Variants in FBXL7 observed in about 807,000 individuals in gnomAD.
The protein encoded by FBXL7 is F-box/LRR-repeat protein 7.
FBXL7 carries 12 observed loss-of-function variants against 38.3 expected under a neutral mutation model. The ratio of observed to expected loss-of-function variants is 0.31; its 90% confidence interval spans 0.20 to 0.51. FBXL7 has a LOEUF of 0.51. Among genes scored for constraint, FBXL7 ranks in the 20% least tolerant of loss-of-function variants. The pLI is 0.98. For missense variants in FBXL7, 567 were observed against 676.4 expected (o/e 0.84, Z 1.79); for synonymous variants, 297 against 300.9 (o/e 0.99, Z 0.13).
At chr5:15,829,984 AT>A (rs1222599466) in intron 2 of FBXL7, among the ~76,000 whole-genome samples, 2 of 152,186 alleles carry the variant, frequency 1.3e-5, no homozygotes, top group African/African-American at 4.8e-5. Flanking sequence ...TACCCAGAGA[AT>A]TACATGTTGT....
intron 2 of FBXL7, among the ~76,000 whole-genome samples, chr5:15,619,485 T>C (rs978332661): frequency 6.6e-6 from 1 of 152,214 alleles, no homozygotes; most frequent in Non-Finnish European, 1.5e-5. Flanking sequence ...TCTCGGATTC[T>C]CTTCCCACTG....
At chr5:15,720,909 T>C (rs139596100) in intron 2 of FBXL7, among the ~76,000 whole-genome samples, 5 of 152,206 alleles carry the variant, frequency 3.3e-5, no homozygotes, top group Admixed American at 2.6e-4. Context: ...TGGGTTAAGA[T>C]AGAAATATGT....
chr5:15,583,172 C>A (rs551705153), intron 1 of FBXL7, among the ~76,000 whole-genome samples: 1 of 152,066 alleles, frequency 6.6e-6, no homozygotes. Flanking sequence ...TCAGATCTTA[C>A]GAGAACTCAC....
intron 2 of FBXL7, among the ~76,000 whole-genome samples, chr5:15,922,530 T>TC (rs1167765013): frequency 5.3e-5 from 8 of 152,170 alleles, no homozygotes; most frequent in African/African-American, 1.9e-4. Flanking sequence ...TGCTACAGTT[T>TC]CACCACAATC....
At chr5:15,789,688 A>G (rs925859810) in intron 2 of FBXL7, among the ~76,000 whole-genome samples, 1 of 151,638 alleles carries the variant, frequency 6.6e-6, no homozygotes, top group African/African-American at 2.4e-5. Context: ...AGTGTAACCC[A>G]CTCCTTTGGT....
chr5:15,878,221 G>T (rs549969512), intron 2 of FBXL7, among the ~76,000 whole-genome samples: 1 of 152,300 alleles, frequency 6.6e-6, no homozygotes, highest in South Asian at 2.1e-4. Context: ...GGGAGTCAGG[G>T]ATTATAGAGG....
intron 2 of FBXL7, among the ~76,000 whole-genome samples, chr5:15,795,311 C>T (rs894960190): frequency 6.6e-6 from 1 of 152,056 alleles, no homozygotes; most frequent in Non-Finnish European, 1.5e-5. Flanking sequence ...AGATGTTTTC[C>T]GTATATCATC....
Position 15,512,477 on chromosome 5 carries a change from T to C in FBXL7, c.37+11764T>C, listed in dbSNP as rs149663353. 1.4e-3 allele frequency among the ~76,000 whole-genome samples: 208 copies of C among 152,326 alleles called. 2 individuals carry two copies. The highest frequency in any genetic ancestry group is 2.2e-3 in the Non-Finnish European group (153 of 68,022). The stretch of plus-strand genomic sequence containing the variant: ...GATGGATCTATAGCCATGATCTTTA[T>C]TGAGTCTAGGAAAACACCCTATGAA... On this transcript the variant is annotated intron_variant, in intron 1 of 3. Coordinates refer to ENST00000504595, the MANE Select transcript of FBXL7 (RefSeq NM_012304.5).
intron 2 of FBXL7, among the ~76,000 whole-genome samples, chr5:15,621,903 CAT>C (rs1491412316): frequency 1.3e-5 from 2 of 152,110 alleles, no homozygotes; most frequent in African/African-American, 2.4e-5. Context: ...CCAATACACT[CAT>C]TTTTTTTTAC....
chr5:15,646,542 G>T (rs992929995), intron 2 of FBXL7, among the ~76,000 whole-genome samples: 1 of 152,162 alleles, frequency 6.6e-6, no homozygotes, highest in Non-Finnish European at 1.5e-5. Context: ...ATACTCCTAC[G>T]TTAATGGAAA....
chr5:15,757,906 C>G (rs1186387112), intron 2 of FBXL7, among the ~76,000 whole-genome samples: 1 of 152,100 alleles, frequency 6.6e-6, no homozygotes, highest in Admixed American at 6.5e-5. Context: ...CTCCCCACAG[C>G]TAGATGATTC....
At chr5:15,741,210 A>G (rs1206216937) in intron 2 of FBXL7, among the ~76,000 whole-genome samples, 4 of 152,182 alleles carry the variant, frequency 2.6e-5, no homozygotes, top group African/African-American at 9.7e-5. Context: ...GTATTTTATG[A>G]CATTGTACTT....
Position 15,818,145 on chromosome 5 carries a change from G to C in FBXL7, c.128-109745G>C, listed in dbSNP as rs150273674. On this transcript the variant is annotated intron_variant, in intron 2 of 3. Coordinates refer to ENST00000504595, the MANE Select transcript of FBXL7 (RefSeq NM_012304.5). ...TTTTGTAGGTGTGTGTGTATGTGTG[G>C]TGTGTGCGTGTTATTTGTGAAGGAG... Among the ~76,000 whole-genome samples the C allele has an allele frequency of 9.1e-4, 139 of 152,090 alleles. 4 individuals are homozygous for C. In the East Asian group the frequency reaches 0.023, roughly 25 times the overall value.
intron 2 of FBXL7, among the ~76,000 whole-genome samples, chr5:15,924,632 CTTTTTT>C (rs34865383): frequency 7.9e-4 from 95 of 120,024 alleles, no homozygotes; most frequent in African/African-American, 3.0e-3. Flanking sequence ...TCTCATTATT[CTTTTTT>C]TTTTTTTTTT....
chr5:15,883,359 C>T (rs1454922802), intron 2 of FBXL7, among the ~76,000 whole-genome samples: 1 of 151,884 alleles, frequency 6.6e-6, no homozygotes, highest in Non-Finnish European at 1.5e-5. Context: ...TACCATTTTG[C>T]CCCATTCTTA....
At chr5:15,887,971 T>G (rs1377360205) in intron 2 of FBXL7, among the ~76,000 whole-genome samples, 1 of 152,206 alleles carries the variant, frequency 6.6e-6, no homozygotes, top group Non-Finnish European at 1.5e-5. Flanking sequence ...CTGGGTCTCC[T>G]GTGTCTGACA....
At chr5:15,516,862 C>T (rs766549765) in intron 1 of FBXL7, among the ~76,000 whole-genome samples, 4 of 152,080 alleles carry the variant, frequency 2.6e-5, no homozygotes, top group Admixed American at 6.6e-5. Flanking sequence ...CCCCTTCTGC[C>T]GTGATTGTGC....
intron 2 of FBXL7, among the ~76,000 whole-genome samples, chr5:15,753,817 A>AT (rs1561113075): frequency 6.6e-6 from 1 of 152,142 alleles, no homozygotes; most frequent in Non-Finnish European, 1.5e-5. Flanking sequence ...GCATATATTT[A>AT]TTTTTTTAAG....
At chr5:15,812,106 C>T (rs944837311) in intron 2 of FBXL7, among the ~76,000 whole-genome samples, 3 of 152,108 alleles carry the variant, frequency 2.0e-5, no homozygotes, top group African/African-American at 4.8e-5. Context: ...ATCAATGATA[C>T]ATTAGATAAA....
Sources: gnomAD v4.1 joint callset for allele counts (sites outside exome capture counted in the v4.1 genomes callset) on GRCh38, gnomAD v4.1.1 for gene constraint, MANE v1.5 for transcripts, NCBI Gene and HGNC (gene_info 2026-07-23, HGNC 2026-07-21) for gene names.